CKAP5: variants seen among roughly 807,000 people sequenced by gnomAD.
The protein encoded by CKAP5 is cytoskeleton associated protein 5.
Under a neutral mutation model 232.8 loss-of-function variants are expected in CKAP5, and 27 were observed. The observed-to-expected ratio is 0.12, with a 90% CI of 0.09 to 0.16. CKAP5 has a LOEUF of 0.16. Ranked by LOEUF, CKAP5 falls within the 10% of genes least tolerant of loss-of-function variation. CKAP5 has a pLI of 1.00. For synonymous variants in CKAP5, 785 were observed against 841.1 expected, an observed-to-expected ratio of 0.93 and a Z score of 1.16; for missense variants, 1,838 against 2,424.7, an observed-to-expected ratio of 0.76 and a Z score of 5.08.
intron 8 of CKAP5, among the ~76,000 whole-genome samples, chr11:46,806,166 T>G (rs558044432): frequency 6.6e-6 from 1 of 152,166 alleles, no homozygotes; most frequent in African/African-American, 2.4e-5. Context: ...CTCTCAGAAA[T>G]CTATTGTCTG....
intron 1 of CKAP5, among the ~76,000 whole-genome samples, chr11:46,828,567 A>G (rs1365520360): frequency 6.6e-6 from 1 of 152,180 alleles, no homozygotes; most frequent in Non-Finnish European, 1.5e-5. Flanking sequence ...AATATTTATC[A>G]CAAGAGGTAT....
rs1208747680 is a variant in CKAP5, at chr11:46,772,313, G to A, written c.2992-1331C>T. On this transcript the variant is annotated intron_variant, in intron 24 of 43. Transcript: ENST00000529230. ...CAGAGTAAAAGTTTTTAATTTTCAT[G>A]TGGTCCAATTTATCAACTTTCCTTT... Among the ~76,000 whole-genome samples the A allele has an allele frequency of 2.0e-5, 3 of 152,046 alleles. No homozygotes were observed. In the East Asian group the frequency reaches 5.8e-4, roughly 29 times the overall value.
chr11:46,756,253 A>G (rs1178602741), intron 35 of CKAP5, among the ~76,000 whole-genome samples: 2 of 152,238 alleles, frequency 1.3e-5, no homozygotes, highest in Non-Finnish European at 2.9e-5. Context: ...CTAGTGGCAC[A>G]TAATATCTTT....
At chr11:46,807,086 A>G (rs146126152) in intron 8 of CKAP5, among the ~76,000 whole-genome samples, 1 of 152,232 alleles carries the variant, frequency 6.6e-6, no homozygotes, top group African/African-American at 2.4e-5. Flanking sequence ...AAAAGCTTCA[A>G]TCAGGCAAGA....
chr11:46,837,670 C>T (rs775635670), intron 1 of CKAP5, among the ~76,000 whole-genome samples: 2 of 151,732 alleles, frequency 1.3e-5, no homozygotes, highest in Admixed American at 6.6e-5. Flanking sequence ...AATACAAATA[C>T]GCGCACACAC....
At chr11:46,760,540 A>C in intron 33 of CKAP5, 72 bp downstream of exon 33, 1 of 1,442,038 alleles carries the variant, frequency 6.9e-7, no homozygotes, top group Non-Finnish European at 9.6e-7. Flanking sequence ...AGATTATGTT[A>C]CAGGACAGGC....
Position 46,809,877 on chromosome 11 carries a change from G to GC in CKAP5, c.631-4dup. 1 of 1,603,170 alleles carries GC rather than the reference G, an allele frequency of 6.2e-7. No homozygotes were observed. The highest frequency in any genetic ancestry group is 1.3e-5 in the African/African-American group (1 of 74,330). On this transcript the variant is annotated splice_polypyrimidine_tract_variant and splice_region_variant and intron_variant, in intron 5 of 43. Coordinates refer to ENST00000529230, the MANE Select transcript of CKAP5 (RefSeq NM_001008938.4). ...CATTCTTCTTCTAGTTCTTTCAACT[G>GC]CAAATGTCATATAATATTTAAATAA...
At chr11:46,813,965 T>C (rs1183839552) in intron 4 of CKAP5, among the ~76,000 whole-genome samples, 1 of 151,282 alleles carries the variant, frequency 6.6e-6, no homozygotes, top group Non-Finnish European at 1.5e-5. Context: ...AACCCATCTC[T>C]ATTAAAGAAA....
intron 9 of CKAP5, among the ~76,000 whole-genome samples, chr11:46,799,885 C>T: frequency 6.6e-6 from 1 of 151,886 alleles, no homozygotes; most frequent in Non-Finnish European, 1.5e-5. Flanking sequence ...CCTGAAGTCC[C>T]AGCTACTCAG....
chr11:46,782,723 A>G (rs1261777140), intron 18 of CKAP5, among the ~76,000 whole-genome samples: 2 of 152,244 alleles, frequency 1.3e-5, no homozygotes, highest in Non-Finnish European at 1.5e-5. Flanking sequence ...TCTATAAGAT[A>G]GGGATAATAT....
At chr11:46,816,093 C>G (rs1939392939) in intron 4 of CKAP5, 105 bp downstream of exon 4, 2 of 892,544 alleles carry the variant, frequency 2.2e-6, no homozygotes, top group Non-Finnish European at 3.6e-6. Context: ...ATCCCCCCAA[C>G]ACACAATTCT....
rs1939991380 is a variant in CKAP5 at position 46,839,178 on chromosome 11, A to G, written c.-38+7042T>C. 2.6e-5 allele frequency among the ~76,000 whole-genome samples: 4 copies of G among 152,260 alleles called. No homozygotes were observed. In the South Asian group the frequency reaches 8.3e-4, roughly 31 times the overall value. ...TAAAAGTGACCAAGAGGGCTCCTCT[A>G]ATTCAGAGCTCAGAAAAGTGTCTCT... On this transcript the variant is annotated intron_variant, in intron 1 of 43. Coordinates refer to ENST00000529230, the MANE Select transcript of CKAP5 (RefSeq NM_001008938.4).
chr11:46,829,160 T>C (rs1939719628), intron 1 of CKAP5, among the ~76,000 whole-genome samples: 1 of 152,200 alleles, frequency 6.6e-6, no homozygotes, highest in Non-Finnish European at 1.5e-5. Flanking sequence ...GGATTTGAAC[T>C]GCACGGGTTG....
chr11:46,770,005 G>C lies in CKAP5; in HGVS notation c.3280C>G (p.Pro1094Ala). Residue 1094 changes from proline to alanine, a missense_variant, in exon 26 of 44, where the codon CCA (proline) becomes GCA (alanine). Transcript: ENST00000529230. ...TTGGCTGGAGCGGACCCTCCCATTG[G>C]TTTAGAAGTTGCTTTAGTGGGTGGA... ...PAPPTKATSK[P>A]MGGSAPAKFQ... 6.2e-7 allele frequency: 1 copy of C among 1,614,144 alleles called. No individual in the cohort carries two copies. Among genetic ancestry groups the C allele is most frequent in the Non-Finnish European group, 8.5e-7 (1 of 1,180,012 alleles).
chr11:46,820,556 A>G (rs1939502351), intron 2 of CKAP5: 1 of 152,222 alleles, frequency 6.6e-6, no homozygotes. Flanking sequence ...GAATAAATTT[A>G]CAAGAAGAAA....
At chr11:46,744,401 C>T in intron 43 of CKAP5, 25 bp downstream of exon 43, 3 of 1,614,158 alleles carry the variant, frequency 1.9e-6, no homozygotes, top group Non-Finnish European at 2.5e-6. Context: ...CCTCCCTGAA[C>T]TGCACAGAAG....
chr11:46,845,640 A>T (rs7111243), intron 1 of CKAP5, among the ~76,000 whole-genome samples: 151,741 of 152,274 alleles, frequency 1, 75,606 homozygotes, highest in Middle Eastern at 1. Flanking sequence ...GAAGGACACC[A>T]GAACGCTCCC....
chr11:46,817,626 A>C (rs1939433632), intron 3 of CKAP5, among the ~76,000 whole-genome samples: 1 of 152,224 alleles, frequency 6.6e-6, no homozygotes, highest in African/African-American at 2.4e-5. Context: ...TAATCTTTGA[A>C]GTAAGTCAAG....
intron 15 of CKAP5, among the ~76,000 whole-genome samples, 199 bp downstream of exon 15, chr11:46,789,877 G>A (rs1938667192): frequency 6.6e-6 from 1 of 152,112 alleles, no homozygotes; most frequent in African/African-American, 2.4e-5. Flanking sequence ...AGCTTATAAA[G>A]GCCATAGAAT....
Sources: allele counts gnomAD v4.1 joint callset (sites outside exome capture counted in the v4.1 genomes callset), GRCh38; gene constraint gnomAD v4.1.1; transcripts MANE v1.5; gene names NCBI Gene and HGNC (gene_info 2026-07-23, HGNC 2026-07-21).